KIAA1328: variants seen among roughly 807,000 people sequenced by gnomAD.
The protein encoded by KIAA1328 is protein hinderin.
Under a neutral mutation model 68.1 loss-of-function variants are expected in KIAA1328, and 52 were observed. That is an observed-to-expected ratio of 0.76 (90% CI 0.61 to 0.96). The LOEUF (loss-of-function observed/expected upper bound fraction) is 0.96, where lower values mean the gene tolerates loss of function less well. Among genes scored for constraint, KIAA1328 ranks in the 40% least tolerant of loss-of-function variants. The probability of loss-of-function intolerance (pLI) is 0.00; values close to 1 mark genes in which losing one functional copy is unlikely to be tolerated. For missense variants in KIAA1328, 641 were observed against 677.6 expected, an observed-to-expected ratio of 0.95 and a Z score of 0.60; for synonymous variants, 232 against 239.4, an observed-to-expected ratio of 0.97 and a Z score of 0.28.
chr18:37,024,339 T>A (rs2054471767), intron 6 of KIAA1328, among the ~76,000 whole-genome samples: 1 of 146,076 alleles, frequency 6.8e-6, no homozygotes, highest in Non-Finnish European at 1.5e-5. Flanking sequence ...TCTCTTTTTT[T>A]ATGTATATAT....
intron 5 of KIAA1328, among the ~76,000 whole-genome samples, chr18:36,915,863 A>G (rs2049675632): frequency 6.6e-6 from 1 of 152,204 alleles, no homozygotes; most frequent in African/African-American, 2.4e-5. Context: ...TTATGATCAC[A>G]CAACATACTC....
chr18:37,080,884 C>G (rs932599923), intron 7 of KIAA1328, among the ~76,000 whole-genome samples: 1 of 151,938 alleles, frequency 6.6e-6, no homozygotes, highest in Non-Finnish European at 1.5e-5. Flanking sequence ...TGCTCTCATC[C>G]TAAAACAAAG....
chr18:37,158,324 T>A (rs1472417694), intron 7 of KIAA1328, among the ~76,000 whole-genome samples: 1 of 152,206 alleles, frequency 6.6e-6, no homozygotes, highest in Admixed American at 6.5e-5. Context: ...TTTCATTTTG[T>A]GTTGACAAGT....
chr18:36,853,151 C>T (rs1453204690), intron 4 of KIAA1328, among the ~76,000 whole-genome samples: 1 of 152,044 alleles, frequency 6.6e-6, no homozygotes, highest in East Asian at 1.9e-4. Context: ...ATTTTTCCAC[C>T]TTTTAACTTT....
intron 7 of KIAA1328, among the ~76,000 whole-genome samples, chr18:37,151,707 A>C (rs2059033708): frequency 1.3e-5 from 2 of 152,204 alleles, no homozygotes; most frequent in Admixed American, 1.3e-4. Context: ...GTAATGCTAG[A>C]AATATTGGAT....
chr18:37,027,232 T>C (rs2054620243), intron 6 of KIAA1328, among the ~76,000 whole-genome samples: 3 of 152,214 alleles, frequency 2.0e-5, no homozygotes, highest in Admixed American at 1.3e-4. Context: ...CACAAACAAA[T>C]GGAAGAACAT....
At chr18:37,194,159 G>A (rs1599561679) in intron 9 of KIAA1328, among the ~76,000 whole-genome samples, 1 of 152,280 alleles carries the variant, frequency 6.6e-6, no homozygotes, top group East Asian at 1.9e-4. Context: ...TCATAGATAA[G>A]TACATTTTAA....
At chr18:37,022,237 GAT>G (rs2054376695) in intron 6 of KIAA1328, among the ~76,000 whole-genome samples, 1 of 152,042 alleles carries the variant, frequency 6.6e-6, no homozygotes, top group South Asian at 2.1e-4. Context: ...CTTTTAGTCT[GAT>G]AGAGTGTCTG....
intron 9 of KIAA1328, among the ~76,000 whole-genome samples, chr18:37,176,281 C>T (rs183004305): frequency 1.4e-4 from 21 of 152,264 alleles, no homozygotes; most frequent in Admixed American, 9.2e-4. Flanking sequence ...TATTTATTAA[C>T]TCATAAAGTT....
chr18:37,051,274 T>A lies in KIAA1328; in HGVS notation c.577-15616T>A, dbSNP rs575699779. Among the ~76,000 whole-genome samples the A allele has an allele frequency of 4.0e-4, 59 of 149,216 alleles. 1 individual carries two copies. The highest frequency in any genetic ancestry group is 2.4e-4 in the Non-Finnish European group (16 of 67,460). Reference sequence around the variant, plus strand: ...AAAAAGGGTCGGTGAAACAGTTGACTCTGAAAGGATAAACAAAATTGATAG... The same window carrying A: ...AAAAAGGGTCGGTGAAACAGTTGACACTGAAAGGATAAACAAAATTGATAG... On this transcript the variant is annotated intron_variant, in intron 6 of 9. Coordinates refer to ENST00000280020, the MANE Select transcript of KIAA1328 (RefSeq NM_020776.3).
intron 6 of KIAA1328, among the ~76,000 whole-genome samples, chr18:36,996,036 AAAAG>A (rs1487543452): frequency 6.6e-6 from 1 of 152,204 alleles, no homozygotes; most frequent in Non-Finnish European, 1.5e-5. Context: ...TCAAAATGTT[AAAAG>A]TAGGTATTGT....
intron 4 of KIAA1328, among the ~76,000 whole-genome samples, chr18:36,879,320 A>T (rs974100300): frequency 2.6e-5 from 4 of 152,110 alleles, no homozygotes; most frequent in Non-Finnish European, 2.9e-5. Context: ...GGTCCACTCT[A>T]GACCCTATTT....
chr18:36,917,256 T>C (rs1300847092), intron 5 of KIAA1328, among the ~76,000 whole-genome samples: 1 of 152,114 alleles, frequency 6.6e-6, no homozygotes, highest in Non-Finnish European at 1.5e-5. Context: ...AGAGGTTTTT[T>C]TTGTTTTGTT....
chr18:37,225,749 G>A (rs1333550820), downstream of KIAA1328, among the ~76,000 whole-genome samples: 1 of 152,174 alleles, frequency 6.6e-6, no homozygotes, highest in East Asian at 1.9e-4. Flanking sequence ...AGTGTCTAAA[G>A]TGCTCAATTC....
At chr18:37,189,890 T>G (rs573040229) in intron 9 of KIAA1328, among the ~76,000 whole-genome samples, 1 of 152,330 alleles carries the variant, frequency 6.6e-6, no homozygotes, top group East Asian at 1.9e-4. Flanking sequence ...ATAATCCTAC[T>G]CTACCCACTG....
intron 5 of KIAA1328, among the ~76,000 whole-genome samples, chr18:36,891,221 C>T (rs1266601119): frequency 6.6e-6 from 1 of 152,000 alleles, no homozygotes; most frequent in Non-Finnish European, 1.5e-5. Context: ...ATCAGAAGTC[C>T]AAAAAGTGAA....
chr18:37,077,121 A>G (rs2151778002), intron 7 of KIAA1328, among the ~76,000 whole-genome samples: 1 of 150,942 alleles, frequency 6.6e-6, no homozygotes, highest in East Asian at 1.9e-4. Context: ...CAGCACATCA[A>G]AAAGCTTATC....
At position 36,995,481 on chromosome 18, in the gene KIAA1328, C is replaced by T. The variant is rs769042389; in HGVS notation, c.576+36046C>T. Reference sequence around the variant, plus strand: ...TTTGTTGGTATCTTTTCCAGTTTCTCGGTCCATCCCTGCATGTCTGTACTT... The same window carrying T: ...TTTGTTGGTATCTTTTCCAGTTTCTTGGTCCATCCCTGCATGTCTGTACTT... On this transcript the variant is annotated intron_variant, in intron 6 of 9. Coordinates refer to ENST00000280020, the MANE Select transcript of KIAA1328 (RefSeq NM_020776.3). 2.6e-5 allele frequency among the ~76,000 whole-genome samples: 4 copies of T among 152,080 alleles called. No individual in the cohort carries two copies. The South Asian group carries it at 6.2e-4, about 24-fold the overall frequency.
intron 7 of KIAA1328, chr18:37,084,476 GTT>G (rs1174581418): frequency 7.6e-3 from 989 of 129,816 alleles, no homozygotes; most frequent in Middle Eastern, 0.018. Flanking sequence ...TTTGTTTTTT[GTT>G]TTTTTTTTTT....
Sources: gnomAD v4.1 joint callset for allele counts (sites outside exome capture counted in the v4.1 genomes callset) on GRCh38, gnomAD v4.1.1 for gene constraint, MANE v1.5 for transcripts, NCBI Gene and HGNC (gene_info 2026-07-23, HGNC 2026-07-21) for gene names.